Variants in SLC29A4 observed in about 807,000 individuals in gnomAD.
SLC29A4 encodes the protein equilibrative nucleoside transporter 4.
A neutral mutation model predicts 43.9 loss-of-function variants in SLC29A4; 36 were observed. The observed-to-expected ratio is 0.82, with a 90% CI of 0.63 to 1.08. The LOEUF (loss-of-function observed/expected upper bound fraction) is 1.08, where lower values mean the gene tolerates loss of function less well. Ranked by LOEUF, SLC29A4 falls within the 50% of genes least tolerant of loss-of-function variation. The pLI, the probability that SLC29A4 is intolerant of heterozygous loss-of-function variation, is 0.00. For missense variants in SLC29A4, 869 were observed against 755.3 expected (o/e 1.15, Z -1.77); for synonymous variants, 491 against 338.0 (o/e 1.45, Z -4.97).
chr7:5,287,846 G>A lies in SLC29A4; in HGVS notation c.30G>A (p.Glu10=). The change falls in exon 2 of 11, where the codon GAG becomes GAA. Residue 10 remains glutamate, a synonymous_variant. Coordinates refer to ENST00000396872, the MANE Select transcript of SLC29A4 (RefSeq NM_153247.4). MGSVGSQRL[E]EPSVAGTPDP... Reference sequence around the variant, plus strand: ...GCTCCGTGGGGAGCCAGCGCCTTGAGGAGCCCAGCGTGGCAGGCACACCAG... The same window carrying A: ...GCTCCGTGGGGAGCCAGCGCCTTGAAGAGCCCAGCGTGGCAGGCACACCAG... 1 of 1,611,788 alleles carries A rather than the reference G, an allele frequency of 6.2e-7. No individual in the cohort carries two copies. Among genetic ancestry groups the A allele is most frequent in the Non-Finnish European group, 8.5e-7 (1 of 1,179,808 alleles).
chr7:5,296,708 G>A (rs1785690706), intron 6 of SLC29A4, among the ~76,000 whole-genome samples: 1 of 146,748 alleles, frequency 6.8e-6, no homozygotes, highest in African/African-American at 2.5e-5. Context: ...AGCAGGTCTG[G>A]TTGCGGGAGT....
intron 1 of SLC29A4, among the ~76,000 whole-genome samples, chr7:5,285,104 G>T (rs975423678): frequency 6.6e-6 from 1 of 152,178 alleles, no homozygotes; most frequent in East Asian, 1.9e-4. Flanking sequence ...GGGCCCCGGG[G>T]TCTCTAAGCC....
At chr7:5,294,508 C>G (rs1785517522) in intron 5 of SLC29A4, among the ~76,000 whole-genome samples, 1 of 152,160 alleles carries the variant, frequency 6.6e-6, no homozygotes, top group South Asian at 2.1e-4. Flanking sequence ...TACGGTCTCT[C>G]AGGGCCTCAG....
chr7:5,306,811 T>TTTTC lies in SLC29A4; in HGVS notation c.*3876_*3879dup, dbSNP rs1010863348. On this transcript the variant is annotated 3_prime_UTR_variant, in exon 11 of 11. Coordinates refer to ENST00000396872, the MANE Select transcript of SLC29A4 (RefSeq NM_153247.4). The stretch of plus-strand genomic sequence containing the variant: ...ACAATTTTATTTTTCCAATTAAATC[T>TTTTC]TTTCTTTTTTTTTATGAAAAAAGAT... 40 of 151,784 alleles carry TTTTC rather than the reference T, an allele frequency of 2.6e-4. No homozygotes were observed. The highest frequency in any genetic ancestry group is 9.4e-4 in the African/African-American group (39 of 41,298). The allele number at this position is 151,784 out of a possible 1,614,324, so 9.4% of individuals were successfully genotyped here.
intron 1 of SLC29A4, among the ~76,000 whole-genome samples, chr7:5,285,104 G>A (rs975423678): frequency 2.0e-5 from 3 of 152,178 alleles, no homozygotes; most frequent in African/African-American, 7.2e-5. Flanking sequence ...GGGCCCCGGG[G>A]TCTCTAAGCC....
Position 5,286,078 on chromosome 7 carries a change from C to T in SLC29A4, c.-8-1731C>T, listed in dbSNP as rs2060757200. ...CTGTGGGACCCCATGGGGTGGGCTTCTTCCAGCCTTTACCACGGCTCTCCT... is the reference window on the plus strand; with the variant it reads ...CTGTGGGACCCCATGGGGTGGGCTTTTTCCAGCCTTTACCACGGCTCTCCT... On this transcript the variant is annotated intron_variant, in intron 1 of 10. Coordinates refer to ENST00000396872, the MANE Select transcript of SLC29A4 (RefSeq NM_153247.4). 1.3e-5 allele frequency among the ~76,000 whole-genome samples: 2 copies of T among 152,144 alleles called. 1 individual carries two copies. Among genetic ancestry groups the T allele is most frequent in the African/African-American group, 4.8e-5 (2 of 41,444 alleles).
intron 6 of SLC29A4, among the ~76,000 whole-genome samples, chr7:5,295,700 T>G (rs1044114922): frequency 7.9e-6 from 1 of 126,602 alleles, no homozygotes; most frequent in Non-Finnish European, 1.8e-5. Context: ...GGCTCGTTTC[T>G]CCCCTTGGGG....
rs200520527 is a variant in SLC29A4, at chr7:5,297,145, A to G, written c.829A>G (p.Arg277Gly). Residue 277 changes from arginine to glycine, a missense_variant, in exon 7 of 11, where the codon AGG (arginine) becomes GGG (glycine). Physicochemically the swap from Arg to Gly is moderately radical, Grantham distance 125 (BLOSUM62 -2). Transcript: ENST00000396872. ...CCACCGGGGCAGGCCAGGCCTGGGC[A>G]GGGGCTATGGCTACCGCGTGCACCA... Reference protein sequence around the residue: ...DSHRGRPGLGRGYGYRVHHDV... With the variant: ...DSHRGRPGLGGGYGYRVHHDV... 2 of 1,604,104 alleles carry G rather than the reference A, an allele frequency of 1.2e-6. No individual in the cohort carries two copies. The highest frequency in any genetic ancestry group is 1.7e-6 in the Non-Finnish European group (2 of 1,179,110).
At chr7:5,296,751 T>TGGGC (rs1785697661) in intron 6 of SLC29A4, among the ~76,000 whole-genome samples, 185 bp from the exon 7 acceptor site, 1 of 119,960 alleles carries the variant, frequency 8.3e-6, no homozygotes, top group Admixed American at 8.6e-5. Flanking sequence ...CCGGCGGTGA[T>TGGGC]GGGCGGGGCC....
rs1247686196 is a variant in SLC29A4, at chr7:5,303,490, C to T, written c.*551C>T. 9 of 158,856 alleles carry T rather than the reference C, an allele frequency of 5.7e-5. No individual in the cohort carries two copies. Among genetic ancestry groups the T allele is most frequent in the Admixed American group, 3.9e-4 (6 of 15,570 alleles). 9.8% of individuals were successfully genotyped at this position (158,856 alleles called of 1,614,324 possible). The stretch of plus-strand genomic sequence containing the variant: ...ATTCTTAGAGACTGCTTCTCCCAAA[C>T]ATAACGCGTTAGCCATGAAGGAGTC... On this transcript the variant is annotated 3_prime_UTR_variant, in exon 11 of 11. Transcript: ENST00000396872.
chr7:5,291,612 G>C (rs906703771), intron 4 of SLC29A4, 81 bp from the exon 5 acceptor site: 35 of 1,496,098 alleles, frequency 2.3e-5, no homozygotes, highest in Non-Finnish European at 3.0e-5. Context: ...GCCTCAGAGC[G>C]ACTCTGCAGG....
At chr7:5,286,868 C>T (rs1784984827) in intron 1 of SLC29A4, among the ~76,000 whole-genome samples, 1 of 152,234 alleles carries the variant, frequency 6.6e-6, no homozygotes, top group Non-Finnish European at 1.5e-5. Flanking sequence ...GTGATAAAGG[C>T]AGCTTCCTCC....
In SLC29A4 at chr7:5,294,852, C is replaced by G. The variant is rs1562448384; in HGVS notation, c.545-8C>G. On this transcript the variant is annotated splice_polypyrimidine_tract_variant and splice_region_variant and intron_variant, in intron 5 of 10. Coordinates refer to ENST00000396872, the MANE Select transcript of SLC29A4 (RefSeq NM_153247.4). ...GCCTCTGGGTTGTTCCTCTCTCTCT[C>G]TCTTAAGTGCAGCAATCCAGCTTCT... The G allele has an allele frequency of 1.2e-6, 2 of 1,612,334 alleles. No homozygotes were observed. Among genetic ancestry groups the G allele is most frequent in the East Asian group, 2.2e-5 (1 of 44,834 alleles).
Position 5,300,468 on chromosome 7 carries a change from C to T in SLC29A4, c.1256C>T (p.Ala419Val), listed in dbSNP as rs753010007. The change falls in exon 10 of 11, where the codon GCC becomes GTC. Residue 419 changes from alanine (A) to valine (V), a missense_variant. Physicochemically the swap from Ala to Val is moderately conservative, Grantham distance 64 (BLOSUM62 0). Transcript: ENST00000396872. The stretch of plus-strand genomic sequence containing the variant: ...GACTGGCGGGGCACCCACCTGCTGG[C>T]CTGCTCCTGCCTGCGTGTGGTCTTC... Reference protein sequence around the residue: ...PVDWRGTHLLACSCLRVVFIP... With the variant: ...PVDWRGTHLLVCSCLRVVFIP... 6.2e-6 allele frequency: 10 copies of T among 1,611,470 alleles called. No homozygotes were observed. The highest frequency in any genetic ancestry group is 1.1e-5 in the South Asian group (1 of 90,982).
rs1179940450 is a variant in SLC29A4, at chr7:5,304,460, T to G, written c.*1521T>G. On this transcript the variant is annotated 3_prime_UTR_variant, in exon 11 of 11. Transcript: ENST00000396872. ...TTCGAGCCTCATCCCTTTTGCTGAT[T>G]TGTGCAATTTGGACAAAATCCTGCA... The G allele has an allele frequency of 1.3e-5, 2 of 152,266 alleles. No individual in the cohort carries two copies. Among genetic ancestry groups the G allele is most frequent in the Non-Finnish European group, 2.9e-5 (2 of 68,082 alleles). 9.4% of individuals were successfully genotyped at this position (152,266 alleles called of 1,614,324 possible).
intron 1 of SLC29A4, among the ~76,000 whole-genome samples, chr7:5,285,303 C>T (rs1344947345): frequency 6.7e-6 from 1 of 148,158 alleles, no homozygotes; most frequent in African/African-American, 2.5e-5. Flanking sequence ...TGTGGCAGGA[C>T]GGCCAGGGCT....
chr7:5,285,088 G>A (rs565037628), intron 1 of SLC29A4, among the ~76,000 whole-genome samples: 24 of 152,294 alleles, frequency 1.6e-4, no homozygotes, highest in Middle Eastern at 3.4e-3. Flanking sequence ...TCTGCAGGCT[G>A]AAGAAGGGCC....
At chr7:5,292,001 G>C (rs1785341710) in intron 5 of SLC29A4, among the ~76,000 whole-genome samples, 180 bp downstream of exon 5, 1 of 152,266 alleles carries the variant, frequency 6.6e-6, no homozygotes, top group South Asian at 2.1e-4. Context: ...AGCCTGTGTA[G>C]TGTGTCTGCA....
rs1478776222 is a variant in SLC29A4 at position 5,302,784 on chromosome 7, G to T, written c.1451-13G>T. The T allele has an allele frequency of 1.2e-5, 19 of 1,550,120 alleles. No homozygotes were observed. Among genetic ancestry groups the T allele is most frequent in the Non-Finnish European group, 1.6e-5 (18 of 1,146,528 alleles). On this transcript the variant is annotated splice_polypyrimidine_tract_variant and intron_variant, in intron 10 of 10. Transcript: ENST00000396872. ...CCCTGGCCCTGCTCCCCTCAGGCTG[G>T]TGTTGTCCACAGGGAACACCATGAC...
Sources: allele counts gnomAD v4.1 joint callset (sites outside exome capture counted in the v4.1 genomes callset), GRCh38; gene constraint gnomAD v4.1.1; transcripts MANE v1.5; gene names NCBI Gene and HGNC (gene_info 2026-07-23, HGNC 2026-07-21).